Variants in P2RY8 observed in about 807,000 individuals in gnomAD.
P2RY8 encodes S-geranylgeranyl-glutathione receptor P2RY8.
P2RY8 carries 6 observed loss-of-function variants against 10.0 expected under a neutral mutation model. The ratio of observed to expected loss-of-function variants is 0.60; its 90% CI spans 0.33 to 1.19. P2RY8 has a LOEUF of 1.19. P2RY8 is among the 50% of genes most tolerant of loss of function. The pLI, the probability that P2RY8 is intolerant of heterozygous loss-of-function variation, is 0.04. For missense variants in P2RY8, 456 were observed against 542.0 expected (o/e 0.84, Z 1.58); for synonymous variants, 276 against 252.5 (o/e 1.09, Z -0.88).
intron 1 of P2RY8, among the ~76,000 whole-genome samples, chrX:1,515,287 T>G (rs1286070503): frequency 2.0e-5 from 3 of 151,950 alleles, no homozygotes; most frequent in African/African-American, 7.2e-5. Flanking sequence ...TCCTACAGCA[T>G]GCAATTCACC....
At chrX:1,516,944 C>T (rs777892334) in intron 1 of P2RY8, among the ~76,000 whole-genome samples, 1 of 151,840 alleles carries the variant, frequency 6.6e-6, no homozygotes, top group Admixed American at 6.6e-5. Flanking sequence ...GCCACGCAGT[C>T]TATGGTATTC....
At chrX:1,470,871 CTG>C (rs2091776060) in intron 1 of P2RY8, among the ~76,000 whole-genome samples, 1 of 144,520 alleles carries the variant, frequency 6.9e-6, no homozygotes, top group Admixed American at 7.0e-5. Flanking sequence ...GAGTCTTGCT[CTG>C]TTGCCCAGGC....
intron 1 of P2RY8, among the ~76,000 whole-genome samples, chrX:1,522,775 A>T (rs2092402126): frequency 6.9e-6 from 1 of 143,974 alleles, no homozygotes; most frequent in South Asian, 2.2e-4. Flanking sequence ...TGCCCCTAAA[A>T]ATAAAAATTA....
intron 1 of P2RY8, among the ~76,000 whole-genome samples, chrX:1,474,238 G>T (rs1291460239): frequency 6.6e-6 from 1 of 151,674 alleles, no homozygotes; most frequent in Non-Finnish European, 1.5e-5. Flanking sequence ...AGATGGATGA[G>T]TGGGAGGATG....
chrX:1,466,430 G>A lies in P2RY8; in HGVS notation c.129C>T (p.Phe43=), dbSNP rs1183641761. 6.2e-7 allele frequency: 1 copy of A among 1,613,076 alleles called. No homozygotes were observed. Among genetic ancestry groups the A allele is most frequent in the African/African-American group, 1.3e-5 (1 of 74,904 alleles). The change falls in exon 2 of 2, where the codon TTC becomes TTT. Residue 43 remains phenylalanine (F), a synonymous_variant. Coordinates refer to ENST00000381297, the MANE Select transcript of P2RY8 (RefSeq NM_178129.5). ...TGCGCCGGCACAGCACCCACAGAGAGAAGAGGTTGCCCGGGATGCTGACCG... is the reference window on the plus strand; with the variant it reads ...TGCGCCGGCACAGCACCCACAGAGAAAAGAGGTTGCCCGGGATGCTGACCG... The part of the protein sequence containing the change: ...VAAVSIPGNL[F]SLWVLCRRMG...
In P2RY8 at chrX:1,466,155, C is replaced by T; in HGVS notation, c.404G>A (p.Arg135His). The change falls in exon 2 of 2, where the codon CGC becomes CAC. Residue 135 changes from arginine to histidine, a missense_variant. Transcript: ENST00000381297. ...CGCGGCCACCGCGTAACGACGGCGG[C>T]GCCAGCGCTTGGAGCTGAGCGGGTA... ...VLYPLSSKRW[R>H]RRRYAVAACA... The T allele has an allele frequency of 6.2e-7, 1 of 1,611,884 alleles. No individual in the cohort carries two copies. Among genetic ancestry groups the T allele is most frequent in the Non-Finnish European group, 8.5e-7 (1 of 1,179,226 alleles).
At chrX:1,507,053 C>G (rs1468026945) in intron 1 of P2RY8, among the ~76,000 whole-genome samples, 2 of 26,690 alleles carry the variant, frequency 7.5e-5, no homozygotes, top group Non-Finnish European at 1.3e-4. Context: ...TAGGAGCTGG[C>G]CACCAAGAAT....
intron 1 of P2RY8, among the ~76,000 whole-genome samples, chrX:1,485,278 C>A (rs1362002333): frequency 6.6e-6 from 1 of 152,008 alleles, no homozygotes; most frequent in Non-Finnish European, 1.5e-5. Context: ...GCTGGAACTA[C>A]AGGTGTGCAC....
intron 1 of P2RY8, among the ~76,000 whole-genome samples, chrX:1,530,654 CTATG>C (rs1436126863): frequency 3.3e-5 from 5 of 150,814 alleles, no homozygotes; most frequent in African/African-American, 4.8e-5. Context: ...TCTCATCTAT[CTATG>C]TATCTCTCTA....
intron 1 of P2RY8, among the ~76,000 whole-genome samples, chrX:1,515,893 G>A (rs2092342889): frequency 7.0e-6 from 1 of 143,760 alleles, no homozygotes; most frequent in Non-Finnish European, 1.5e-5. Context: ...CAGGAAGAGG[G>A]CCAGGCATGG....
At chrX:1,498,265 G>A (rs762706974) in intron 1 of P2RY8, among the ~76,000 whole-genome samples, 1 of 151,714 alleles carries the variant, frequency 6.6e-6, no homozygotes, top group South Asian at 2.1e-4. Flanking sequence ...AATTAGCCGG[G>A]TGTGGTGGCG....
chrX:1,504,092 C>A (rs1468478196), intron 1 of P2RY8, among the ~76,000 whole-genome samples: 2 of 151,094 alleles, frequency 1.3e-5, no homozygotes, highest in Middle Eastern at 3.2e-3. Flanking sequence ...CCGAGGCGGG[C>A]GGATCATGAG....
intron 1 of P2RY8, among the ~76,000 whole-genome samples, chrX:1,531,525 A>G (rs1421147366): frequency 6.6e-6 from 1 of 152,010 alleles, no homozygotes; most frequent in Non-Finnish European, 1.5e-5. Flanking sequence ...ACTCCTGGGG[A>G]GCCTGGACAG....
At chrX:1,475,706 A>T (rs1406094583) in intron 1 of P2RY8, among the ~76,000 whole-genome samples, 2 of 152,170 alleles carry the variant, frequency 1.3e-5, no homozygotes, top group African/African-American at 4.8e-5. Flanking sequence ...AATGAGGAAC[A>T]AGCCAATGGG....
At chrX:1,470,947 C>T (rs1367493662) in intron 1 of P2RY8, among the ~76,000 whole-genome samples, 1 of 151,582 alleles carries the variant, frequency 6.6e-6, no homozygotes, top group Non-Finnish European at 1.5e-5. Context: ...AGCAATTCTC[C>T]TGCCTCAGCC....
intron 1 of P2RY8, among the ~76,000 whole-genome samples, chrX:1,535,724 C>G (rs1202039494): frequency 2.3e-4 from 13 of 56,248 alleles, no homozygotes; most frequent in Middle Eastern, 0.01. Flanking sequence ...CAGACACACA[C>G]ACAGACACAC....
In P2RY8 at chrX:1,509,374, T is replaced by TTCTATCTATCTA. The variant is rs779648095; in HGVS notation, c.-25+27535_-25+27546dup. Among the ~76,000 whole-genome samples, 450 of 131,120 alleles carry TTCTATCTATCTA rather than the reference T, an allele frequency of 3.4e-3. 1 individual carries two copies. Among genetic ancestry groups the TTCTATCTATCTA allele is most frequent in the South Asian group, 5.2e-3 (21 of 4,004 alleles). 86.0% of individuals were successfully genotyped at this position (131,120 alleles called of 152,430 possible). A position where few individuals can be genotyped will look rare whatever the true frequency, so the allele number is the denominator to read the frequency against. ...ATCCATCCATCCATCCATCCATCTA[T>TTCTATCTATCTA]TCTATCTATCTATCTATCTATCTAT... On this transcript the variant is annotated intron_variant, in intron 1 of 1. Coordinates refer to ENST00000381297, the MANE Select transcript of P2RY8 (RefSeq NM_178129.5).
intron 1 of P2RY8, among the ~76,000 whole-genome samples, chrX:1,495,949 G>A (rs768209330): frequency 6.6e-6 from 1 of 150,870 alleles, no homozygotes; most frequent in Non-Finnish European, 1.5e-5. Flanking sequence ...GACACAGGGA[G>A]AAGTCGATGT....
intron 1 of P2RY8, among the ~76,000 whole-genome samples, chrX:1,486,065 A>AC (rs2091983418): frequency 6.6e-6 from 1 of 152,150 alleles, no homozygotes; most frequent in Admixed American, 6.5e-5. Flanking sequence ...CTAAAAATAC[A>AC]AAATTATCTG....
Sources: gnomAD v4.1 joint callset for allele counts (sites outside exome capture counted in the v4.1 genomes callset) on GRCh38, gnomAD v4.1.1 for gene constraint, MANE v1.5 for transcripts, NCBI Gene and HGNC (gene_info 2026-07-23, HGNC 2026-07-21) for gene names.